The following HEATR9 variants were observed in gnomAD, a reference collection of about 807,000 sequenced individuals.
HEATR9 encodes the protein HEAT repeat containing 9.
In HEATR9, 54 loss-of-function variants were observed where a neutral mutation model predicts 68.2. That is an observed-to-expected ratio of 0.79 (90% confidence interval 0.64 to 0.99). The LOEUF (loss-of-function observed/expected upper bound fraction) is 0.99, where lower values mean the gene tolerates loss of function less well. HEATR9 is among the 50% of genes least tolerant of loss of function. The pLI is 0.00. For synonymous variants in HEATR9, 241 were observed against 253.5 expected (o/e 0.95, Z 0.47); for missense variants, 662 against 679.7 (o/e 0.97, Z 0.29).
chr17:35,863,203 G>A (rs1308858104), intron 7 of HEATR9, 78 bp from the exon 8 acceptor site: 3 of 1,580,600 alleles, frequency 1.9e-6, no homozygotes, highest in Non-Finnish European at 2.6e-6. Context: ...GAACTCCACT[G>A]TGCCATCGAG....
In HEATR9 at chr17:35,855,712, C is replaced by T; in HGVS notation, c.1317G>A (p.Leu439=). Residue 439 remains leucine, a synonymous_variant, in exon 14 of 15, where the codon TTG becomes TTA. Transcript: ENST00000604834. ...LGIRSPQVFH[L]LLDLLDAENH... ...TTTCTGCATCTAGTAAGTCCAGGAGCAAGTGGAACACTTGTGGACTGCGGA... is the reference window on the plus strand; with the variant it reads ...TTTCTGCATCTAGTAAGTCCAGGAGTAAGTGGAACACTTGTGGACTGCGGA... 6.2e-7 allele frequency: 1 copy of T among 1,614,060 alleles called. No individual in the cohort carries two copies. The highest frequency in any genetic ancestry group is 8.5e-7 in the Non-Finnish European group (1 of 1,179,988).
In HEATR9 at chr17:35,855,254, T is replaced by C. The variant is rs761814828; in HGVS notation, c.1522A>G (p.Ile508Val). ...AGCTTTGCAAGTCGAAAGTCTTGAA[T>C]AGTTAACTCTTCTGGGTTCTCAGGC... ...KEPENPEELT[I>V]QDFRLAKLNP... Residue 508 changes from isoleucine to valine, a missense_variant, in exon 15 of 15, where the codon ATT becomes GTT. Transcript: ENST00000604834. The C allele has an allele frequency of 1.2e-6, 2 of 1,614,210 alleles. No homozygotes were observed. Among genetic ancestry groups the C allele is most frequent in the South Asian group, 1.1e-5 (1 of 91,088 alleles).
intron 2 of HEATR9, among the ~76,000 whole-genome samples, chr17:35,866,237 GA>G (rs367758928): frequency 0.035 from 4,576 of 132,166 alleles, 231 homozygotes; most frequent in African/African-American, 0.12. Flanking sequence ...GATTTAGGAA[GA>G]AAAAAAAAAA....
chr17:35,855,907 C>T (rs934717240), intron 13 of HEATR9, among the ~76,000 whole-genome samples, 157 bp from the exon 14 acceptor site: 1 of 152,124 alleles, frequency 6.6e-6, no homozygotes, highest in Non-Finnish European at 1.5e-5. Flanking sequence ...TTTGGAACCA[C>T]TGCATGGGAC....
chr17:35,861,495 G>A (rs1462050967), intron 8 of HEATR9: 12 of 1,217,158 alleles, frequency 9.9e-6, no homozygotes, highest in Middle Eastern at 2.7e-4. Flanking sequence ...CCTTGCAGTC[G>A]TTGCGGACAA....
At chr17:35,855,853 G>T (rs575438930) in intron 13 of HEATR9, 103 bp from the exon 14 acceptor site, 4 of 955,318 alleles carry the variant, frequency 4.2e-6, no homozygotes, top group South Asian at 1.4e-5. Flanking sequence ...GCATAGAGAG[G>T]GGGGAGATAG....
intron 8 of HEATR9, chr17:35,861,520 C>G: frequency 3.0e-6 from 3 of 1,012,378 alleles, no homozygotes; most frequent in Non-Finnish European, 3.1e-6. Flanking sequence ...CATGTCATGG[C>G]TGGGGTAGAT....
chr17:35,858,130 G>A lies in HEATR9; in HGVS notation c.1152+70C>T, dbSNP rs137867776. 1.3e-3 allele frequency: 2,114 copies of A among 1,593,564 alleles called. 37 individuals carry two copies. The African/African-American group carries it at 0.026, about 20-fold the overall frequency. On this transcript the variant is annotated intron_variant, in intron 11 of 14. Transcript: ENST00000604834. ...TGTGATACTTCGGTGGAGGCCAGGG[G>A]AGGTCTCCAGAACACGGAAAAGAGA...
intron 8 of HEATR9, among the ~76,000 whole-genome samples, chr17:35,860,408 CAAG>C (rs1348311153): frequency 2.7e-5 from 4 of 147,086 alleles, no homozygotes; most frequent in Non-Finnish European, 6.0e-5. Context: ...AAAAAAAAAA[CAAG>C]AACTTTGCTA....
In HEATR9 at chr17:35,864,306, C is replaced by T. The variant is rs766177309; in HGVS notation, c.511-4G>A. 2.5e-6 allele frequency: 4 copies of T among 1,610,550 alleles called. No individual in the cohort carries two copies. In the African/African-American group the frequency reaches 5.3e-5, roughly 22 times the overall value. Reference sequence around the variant, plus strand: ...TGATGCGTAAGCATCCCAGAGCCTGCAGGAAGAGGGATGGAGGAAAGAGAA... The same window carrying T: ...TGATGCGTAAGCATCCCAGAGCCTGTAGGAAGAGGGATGGAGGAAAGAGAA... On this transcript the variant is annotated splice_polypyrimidine_tract_variant and splice_region_variant and intron_variant, in intron 5 of 14. Transcript: ENST00000604834.
chr17:35,865,467 G>A (rs2088168865), intron 2 of HEATR9, 71 bp from the exon 3 acceptor site: 21 of 1,171,370 alleles, frequency 1.8e-5, no homozygotes, highest in Non-Finnish European at 1.3e-5. Context: ...ATGGGGAGGA[G>A]GGGGTAAAGG....
chr17:35,863,198 C>T, intron 7 of HEATR9, 73 bp from the exon 8 acceptor site: 2 of 1,592,148 alleles, frequency 1.3e-6, no homozygotes, highest in Non-Finnish European at 1.7e-6. Context: ...CCATTGAACT[C>T]CACTGTGCCA....
intron 2 of HEATR9, among the ~76,000 whole-genome samples, chr17:35,865,971 A>G (rs1287033139): frequency 6.6e-6 from 1 of 152,212 alleles, no homozygotes; most frequent in African/African-American, 2.4e-5. Context: ...TATCACTTAA[A>G]CAATTGTGAA....
intron 12 of HEATR9, chr17:35,856,438 C>A: frequency 7.5e-7 from 1 of 1,328,420 alleles, no homozygotes; most frequent in South Asian, 1.3e-5. Context: ...TCAGGACTGT[C>A]CAGAAATTTT....
intron 2 of HEATR9, among the ~76,000 whole-genome samples, chr17:35,865,860 A>AACT (rs2088181935): frequency 6.6e-6 from 1 of 152,188 alleles, no homozygotes; most frequent in Non-Finnish European, 1.5e-5. Flanking sequence ...TTTGAGTACC[A>AACT]ACTATGTGCC....
At position 35,855,129 on chromosome 17, in the gene HEATR9, C is replaced by T; in HGVS notation, c.1647G>A (p.Gln549=). 1.2e-6 allele frequency: 2 copies of T among 1,614,204 alleles called. No homozygotes were observed. The highest frequency in any genetic ancestry group is 1.7e-6 in the Non-Finnish European group (2 of 1,180,038). ...CCSKPRKHRP[Q]VIGPWQPRIK... is the part of the protein sequence containing the mutation. ...TCCTTGGCTGCCAGGGCCCTATGAC[C>T]TGTGGCCTATGTTTTCGTGGTTTCG... Residue 549 remains glutamine, a synonymous_variant, in exon 15 of 15, where the codon CAG becomes CAA. Transcript: ENST00000604834.
Position 35,858,894 on chromosome 17 carries a change from C to T in HEATR9, c.933G>A (p.Arg311=), listed in dbSNP as rs375153201. 2.5e-6 allele frequency: 4 copies of T among 1,613,342 alleles called. No homozygotes were observed. In the African/African-American group the frequency reaches 5.3e-5, roughly 22 times the overall value. ...AGCCTCCTGCCCCTCACACCTTCAT[C>T]CGCTGGGTCTTGAGTCCTTGGCACA... ...QCLCQGLKTQ[R]MKALRMLVKV... Residue 311 remains arginine (R), a synonymous_variant, in exon 9 of 15, where the codon CGG becomes CGA. Transcript: ENST00000604834.
chr17:35,859,009 G>T lies in HEATR9; in HGVS notation c.818C>A (p.Ser273Ter). The T allele has an allele frequency of 6.2e-7, 1 of 1,614,170 alleles. No individual in the cohort carries two copies. Among genetic ancestry groups the T allele is most frequent in the Non-Finnish European group, 8.5e-7 (1 of 1,180,028 alleles). Residue 273 changes from serine (S) to a stop codon, truncating the protein, a stop_gained, in exon 9 of 15, where the codon TCG becomes TAG. Transcript: ENST00000604834. LOFTEE classifies it high-confidence loss of function. ...TGCCTCCAGAGATGCTTCACTGGACGACTTCTTGATCAGTGTCTGTAGTAC... is the reference window on the plus strand; with the variant it reads ...TGCCTCCAGAGATGCTTCACTGGACTACTTCTTGATCAGTGTCTGTAGTAC... ...VPVLQTLIKK[S>*]SSEASLEAAL...
rs1286119142 is a variant in HEATR9 at position 35,864,560 on chromosome 17, A to G, written c.454-7T>C. 3 of 1,612,676 alleles carry G rather than the reference A, an allele frequency of 1.9e-6. No homozygotes were observed. The highest frequency in any genetic ancestry group is 1.3e-5 in the African/African-American group (1 of 74,880). ...CCAGGCTTTTTGTGAGTTCCTGCCC[A>G]TCCAAGGCAGCCAGTGGAAAGGAAG... On this transcript the variant is annotated splice_polypyrimidine_tract_variant and splice_region_variant and intron_variant, in intron 4 of 14. Transcript: ENST00000604834.
Sources: gnomAD v4.1 joint callset for allele counts (sites outside exome capture counted in the v4.1 genomes callset) on GRCh38, gnomAD v4.1.1 for gene constraint, MANE v1.5 for transcripts, NCBI Gene and HGNC (gene_info 2026-07-23, HGNC 2026-07-21) for gene names.